Variants in NWD1 observed in about 807,000 individuals in gnomAD.
NWD1 encodes NACHT and WD repeat domain containing 1.
NWD1 carries 129 observed loss-of-function variants against 135.1 expected under a neutral mutation model. The observed-to-expected ratio is 0.96, with a 90% CI of 0.83 to 1.11. NWD1 has a LOEUF of 1.11. Ranked by LOEUF, NWD1 falls within the 50% of genes least tolerant of loss-of-function variation. The pLI is 0.00. For missense variants in NWD1, 1,740 were observed against 1,851.3 expected (o/e 0.94, Z 1.10); for synonymous variants, 773 against 786.0 (o/e 0.98, Z 0.28).
At chr19:16,736,871 T>C (rs1599435658) in intron 4 of NWD1, 121 bp downstream of exon 4, 2 of 670,870 alleles carry the variant, frequency 3.0e-6, no homozygotes, top group Non-Finnish European at 5.4e-6. Context: ...CTTATCCCTA[T>C]GGCCTGCCTG....
intron 10 of NWD1, among the ~76,000 whole-genome samples, chr19:16,765,745 G>A (rs550670756): frequency 2.6e-5 from 4 of 152,198 alleles, no homozygotes; most frequent in South Asian, 4.1e-4. Context: ...AGGGCTGGGC[G>A]CAGTGGCTCA....
chr19:16,810,462 GA>G (rs1461608308), intron 18 of NWD1, among the ~76,000 whole-genome samples: 1 of 132,310 alleles, frequency 7.6e-6, no homozygotes, highest in Non-Finnish European at 1.6e-5. Context: ...AAAAAAGAAA[GA>G]AAAAGAAGGC....
chr19:16,759,274 G>A lies in NWD1; in HGVS notation c.1819G>A (p.Glu607Lys). The change falls in exon 7 of 19, where the codon GAG becomes AAG. Residue 607 changes from glutamate (E) to lysine (K), a missense_variant. Transcript: ENST00000524140. ...GAAGGATGTTTTGTCCCTGGACGACGAGGTCCTGCAGGATGTGTACCGAGA... is the reference window on the plus strand; with the variant it reads ...GAAGGATGTTTTGTCCCTGGACGACAAGGTCCTGCAGGATGTGTACCGAGA... ...ELKDVLSLDD[E>K]VLQDVYRDWT... The A allele has an allele frequency of 6.2e-7, 1 of 1,614,192 alleles. No individual in the cohort carries two copies.
At position 16,800,027 on chromosome 19, in the gene NWD1, G is replaced by A. The variant is rs755839382; in HGVS notation, c.3601G>A (p.Asp1201Asn). The A allele has an allele frequency of 2.0e-5, 32 of 1,614,094 alleles. No individual in the cohort carries two copies. Among genetic ancestry groups the A allele is most frequent in the Middle Eastern group, 1.6e-4 (1 of 6,084 alleles). ...SSSFKVWDLSDAHRSRVPAPF... is the reference protein window; with the variant it reads ...SSSFKVWDLSNAHRSRVPAPF... Reference sequence around the variant, plus strand: ...ATCTTTCAAGGTCTGGGATCTCAGCGATGCTCATAGGTCCCGGGTGCCTGC... The same window carrying A: ...ATCTTTCAAGGTCTGGGATCTCAGCAATGCTCATAGGTCCCGGGTGCCTGC... Residue 1201 changes from aspartate (D) to asparagine (N), a missense_variant, in exon 17 of 19, where the codon GAT becomes AAT. Asp to Asn is a conservative substitution (Grantham distance 23, BLOSUM62 1). Coordinates refer to ENST00000524140, the MANE Select transcript of NWD1 (RefSeq NM_001007525.5).
At chr19:16,731,307 CTT>C in intron 3 of NWD1, 29 bp downstream of exon 3, 1 of 1,383,778 alleles carries the variant, frequency 7.2e-7, no homozygotes, top group Non-Finnish European at 9.9e-7. Context: ...GGGCTCCATG[CTT>C]TTTTTATTTT....
chr19:16,728,348 G>A (rs1264195615), intron 2 of NWD1, among the ~76,000 whole-genome samples: 5 of 145,566 alleles, frequency 3.4e-5, no homozygotes, highest in East Asian at 4.1e-4. Context: ...GCAGTGGTGC[G>A]ATCTGGACTC....
chr19:16,731,086 A>G (rs1967540716), intron 2 of NWD1, 106 bp from the exon 3 acceptor site: 1 of 624,986 alleles, frequency 1.6e-6, no homozygotes, highest in African/African-American at 1.9e-5. Context: ...CTCCACAAAA[A>G]AGGGGAAAAA....
At chr19:16,753,429 T>C (rs1968656024) in intron 6 of NWD1, among the ~76,000 whole-genome samples, 1 of 152,166 alleles carries the variant, frequency 6.6e-6, no homozygotes, top group African/African-American at 2.4e-5. Flanking sequence ...TTTTGGTTGC[T>C]CCAGTTCCAT....
intron 2 of NWD1, among the ~76,000 whole-genome samples, chr19:16,728,606 C>G (rs1568331969): frequency 1.3e-5 from 2 of 151,274 alleles, no homozygotes; most frequent in African/African-American, 4.8e-5. Context: ...TGTATATGTG[C>G]TCTCATAGAA....
At chr19:16,805,239 A>G (rs898646888) in intron 17 of NWD1, among the ~76,000 whole-genome samples, 2 of 151,318 alleles carry the variant, frequency 1.3e-5, no homozygotes, top group Non-Finnish European at 2.9e-5. Context: ...TTGTATTTTT[A>G]GTAGAGATGG....
At chr19:16,778,977 G>A (rs981942281) in intron 11 of NWD1, among the ~76,000 whole-genome samples, 3 of 152,260 alleles carry the variant, frequency 2.0e-5, no homozygotes, top group African/African-American at 4.8e-5. Context: ...TCCCTGGCCT[G>A]CACCCACCAG....
chr19:16,785,813 TTTTATCA>T (rs1448861796), intron 12 of NWD1, among the ~76,000 whole-genome samples: 1 of 148,208 alleles, frequency 6.7e-6, no homozygotes, highest in Admixed American at 6.7e-5. Context: ...ATATATATAT[TTTTATCA>T]ATGTTTTGCC....
chr19:16,789,619 G>A (rs559298104), intron 13 of NWD1, among the ~76,000 whole-genome samples: 1 of 150,310 alleles, frequency 6.7e-6, no homozygotes, highest in South Asian at 2.1e-4. Flanking sequence ...ATAGGGTCCT[G>A]TTCTGTATTT....
At chr19:16,759,865 G>A (rs894781948) in intron 7 of NWD1, among the ~76,000 whole-genome samples, 4 of 152,058 alleles carry the variant, frequency 2.6e-5, no homozygotes, top group African/African-American at 2.4e-5. Context: ...GCGGTGGCAC[G>A]TGCCTGTAAT....
intron 12 of NWD1, among the ~76,000 whole-genome samples, chr19:16,779,787 C>G (rs1475557544): frequency 6.6e-6 from 1 of 152,088 alleles, no homozygotes; most frequent in Non-Finnish European, 1.5e-5. Context: ...CAAGCACATA[C>G]CACTATACCC....
At chr19:16,730,587 C>G (rs759241873) in intron 2 of NWD1, among the ~76,000 whole-genome samples, 1 of 151,972 alleles carries the variant, frequency 6.6e-6, no homozygotes, top group African/African-American at 2.4e-5. Context: ...TGTGGTGGTG[C>G]CCCTCTATAA....
chr19:16,749,581 C>T lies in NWD1; in HGVS notation c.939C>T (p.Cys313=), dbSNP rs706763. The T allele has an allele frequency of 0.051, 82,470 of 1,612,946 alleles. 3,497 individuals are homozygous for T. Among genetic ancestry groups the T allele is most frequent in the African/African-American group, 0.21 (15,728 of 74,950 alleles). ...WQSSEVIQTF[C]GRQELLARLG... is the part of the protein sequence containing the mutation. ...GCTCGGAGGTCATTCAGACCTTCTG[C>T]GGACGCCAGGAACTCCTGGCCCGGC... The change falls in exon 6 of 19, where the codon TGC becomes TGT. Residue 313 remains cysteine, a synonymous_variant. Transcript: ENST00000524140.
intron 10 of NWD1, among the ~76,000 whole-genome samples, chr19:16,767,402 G>C (rs1969263254): frequency 6.6e-6 from 1 of 152,040 alleles, no homozygotes; most frequent in Non-Finnish European, 1.5e-5. Flanking sequence ...ATCACTTGAG[G>C]TCAGGAGTTT....
chr19:16,749,195 G>A lies in NWD1; in HGVS notation c.553G>A (p.Ala185Thr), dbSNP rs1968445487. Residue 185 changes from alanine (A) to threonine (T), a missense_variant, in exon 6 of 19, where the codon GCC becomes ACC. Ala to Thr is a moderately conservative substitution (Grantham distance 58). Transcript: ENST00000524140. ...GAGCTCAGAGGACCGGGAACAGGGA[G>A]CCACCGTCTTCCTTAGAGAGATCCA... ...LLSSEDREQG[A>T]TVFLREIQDL... 1 of 1,613,726 alleles carries A rather than the reference G, an allele frequency of 6.2e-7. No individual in the cohort carries two copies. Among genetic ancestry groups the A allele is most frequent in the African/African-American group, 1.3e-5 (1 of 75,026 alleles).
Sources: gnomAD v4.1 joint callset for allele counts (sites outside exome capture counted in the v4.1 genomes callset) on GRCh38, gnomAD v4.1.1 for gene constraint, MANE v1.5 for transcripts, NCBI Gene and HGNC (gene_info 2026-07-23, HGNC 2026-07-21) for gene names.